Variants in NCKAP1 observed in about 807,000 individuals in gnomAD.
The protein encoded by NCKAP1 is NCK associated protein 1.
In NCKAP1, 21 loss-of-function variants were observed where a neutral mutation model predicts 151.2. That is an observed-to-expected ratio of 0.14 (90% confidence interval 0.10 to 0.20). The LOEUF (loss-of-function observed/expected upper bound fraction) is 0.20. Ranked by LOEUF, NCKAP1 falls within the 10% of genes least tolerant of loss-of-function variation. NCKAP1 has a pLI of 1.00. For missense variants in NCKAP1, 933 were observed against 1,352.1 expected (o/e 0.69, Z 4.86); for synonymous variants, 484 against 451.8 (o/e 1.07, Z -0.90).
intron 2 of NCKAP1, among the ~76,000 whole-genome samples, chr2:183,016,841 C>A (rs10185998): frequency 0.99 from 150,097 of 152,264 alleles, 74,013 homozygotes; most frequent in East Asian, 1. Flanking sequence ...GGATGGCATA[C>A]AAATCAATGT....
Position 182,912,218 on chromosome 2 carries a change from T to C in NCKAP1, c.*13484A>G, listed in dbSNP as rs1696406171. 1.3e-5 allele frequency: 2 copies of C among 152,232 alleles called. 1 individual carries two copies. Among genetic ancestry groups the C allele is most frequent in the Non-Finnish European group, 2.9e-5 (2 of 68,028 alleles). 9.4% of individuals were successfully genotyped at this position (152,232 alleles called of 1,614,324 possible). ...GGAGCTTTTTGATATGAGAAAAATA[T>C]GCTTTTGCCTTTAAGGCAACATGTT... On this transcript the variant is annotated 3_prime_UTR_variant, in exon 31 of 31. Transcript: ENST00000361354.
intron 1 of NCKAP1, among the ~76,000 whole-genome samples, chr2:183,036,283 T>G (rs1348674420): frequency 6.6e-6 from 1 of 152,198 alleles, no homozygotes; most frequent in Admixed American, 6.5e-5. Flanking sequence ...AAAGGTATTT[T>G]GCCCAAATAC....
chr2:182,983,666 TCTAG>T (rs1378646405), intron 10 of NCKAP1, among the ~76,000 whole-genome samples: 1 of 152,174 alleles, frequency 6.6e-6, no homozygotes, highest in Non-Finnish European at 1.5e-5. Context: ...TTTCCCAACA[TCTAG>T]CTATTTATTT....
Position 182,954,870 on chromosome 2 carries a change from T to C in NCKAP1, c.2154-1539A>G, listed in dbSNP as rs537951544. ...TTCCCCTTGCCTTGATCCTAATCAC[T>C]AAGTAGATGTTTGGTTAAAAAAAAA... On this transcript the variant is annotated intron_variant, in intron 20 of 30. Coordinates refer to ENST00000361354, the MANE Select transcript of NCKAP1 (RefSeq NM_013436.5). 2.6e-5 allele frequency among the ~76,000 whole-genome samples: 4 copies of C among 152,164 alleles called. No homozygotes were observed. The South Asian group carries it at 8.3e-4, about 32-fold the overall frequency.
intron 2 of NCKAP1, among the ~76,000 whole-genome samples, chr2:183,008,707 A>G (rs1425318021): frequency 6.6e-6 from 1 of 152,198 alleles, no homozygotes; most frequent in Non-Finnish European, 1.5e-5. Context: ...TTTCATTGCT[A>G]GCCATAAATG....
At chr2:182,990,085 A>T (rs992037173) in intron 8 of NCKAP1, among the ~76,000 whole-genome samples, 6 of 151,892 alleles carry the variant, frequency 4.0e-5, no homozygotes, top group African/African-American at 1.4e-4. Flanking sequence ...ATAGCATCTC[A>T]CATTTTAATA....
Position 182,952,569 on chromosome 2 carries a change from CACAAT to C in NCKAP1, c.2504-72_2504-68del, listed in dbSNP as rs985467874. Reference sequence around the variant, plus strand: ...AATACTTTAAGAAAATGAACATTAACACAATACAACATCTCATTATAAAAACTAAT... The same window carrying C: ...AATACTTTAAGAAAATGAACATTAACACAACATCTCATTATAAAAACTAAT... On this transcript the variant is annotated intron_variant, in intron 22 of 30. Coordinates refer to ENST00000361354, the MANE Select transcript of NCKAP1 (RefSeq NM_013436.5). 8 of 1,205,466 alleles carry C rather than the reference CACAAT, an allele frequency of 6.6e-6. No homozygotes were observed. In the African/African-American group the frequency reaches 7.7e-5, roughly 12 times the overall value. The allele number at this position is 1,205,466 out of a possible 1,614,324, so 74.7% of individuals were successfully genotyped here. A position where few individuals can be genotyped will look rare whatever the true frequency, so the allele number is the denominator to read the frequency against.
At chr2:182,955,687 CA>C (rs1697310002) in intron 20 of NCKAP1, among the ~76,000 whole-genome samples, 1 of 152,142 alleles carries the variant, frequency 6.6e-6, no homozygotes, top group Admixed American at 6.5e-5. Context: ...CTTAACACTG[CA>C]AGTCAATACA....
At chr2:183,030,034 A>C (rs982770713) in intron 1 of NCKAP1, among the ~76,000 whole-genome samples, 5 of 152,138 alleles carry the variant, frequency 3.3e-5, no homozygotes, top group African/African-American at 1.2e-4. Flanking sequence ...TACTGACAGG[A>C]CCTACAGAGA....
rs533756257 is a variant in NCKAP1 at position 182,930,113 on chromosome 2, G to A, written c.2953+582C>T. ...CTTGACTTTGCTCTTGCCTCCAGCT[G>A]GTGAGATTTTATTTCTTTGCTTCCC... On this transcript the variant is annotated intron_variant, in intron 27 of 30. Coordinates refer to ENST00000361354, the MANE Select transcript of NCKAP1 (RefSeq NM_013436.5). Among the ~76,000 whole-genome samples the A allele has an allele frequency of 3.3e-5, 5 of 151,872 alleles. No individual in the cohort carries two copies. In the Middle Eastern group the frequency reaches 0.017, roughly 517 times the overall value.
In NCKAP1 at chr2:182,962,822, A is replaced by AG. The variant is rs1323143188; in HGVS notation, c.1762-545dup. ...AAATCAAACCCTATTGCTCCCAGGA[A>AG]GAAAAAAAAAAAAAACGCTGATCAT... On this transcript the variant is annotated intron_variant, in intron 17 of 30. Transcript: ENST00000361354. Among the ~76,000 whole-genome samples the AG allele has an allele frequency of 4.7e-5, 7 of 150,144 alleles. No homozygotes were observed. The South Asian group carries it at 1.5e-3, about 32-fold the overall frequency.
rs139529822 is a variant in NCKAP1 at position 182,924,168 on chromosome 2, G to C, written c.*1534C>G. 6.6e-6 allele frequency: 1 copy of C among 151,956 alleles called. No individual in the cohort carries two copies. Among genetic ancestry groups the C allele is most frequent in the African/African-American group, 2.4e-5 (1 of 41,358 alleles). The allele number at this position is 151,956 out of a possible 1,614,324, so 9.4% of individuals were successfully genotyped here. A position where few individuals can be genotyped will look rare whatever the true frequency, so the allele number is the denominator to read the frequency against. ...CTTTATGGAACAAGTACAATTTTTC[G>C]ACAGATAGTGACAACTACTCCCTAC... On this transcript the variant is annotated 3_prime_UTR_variant, in exon 31 of 31. Transcript: ENST00000361354.
At chr2:182,937,427 G>C (rs1020834338) in intron 24 of NCKAP1, among the ~76,000 whole-genome samples, 2 of 152,160 alleles carry the variant, frequency 1.3e-5, no homozygotes, top group Admixed American at 6.5e-5. Flanking sequence ...CTCTAGAACA[G>C]AGGCTATGTG....
chr2:182,912,088 C>G lies in NCKAP1; in HGVS notation c.*13614G>C, dbSNP rs898609175. The G allele has an allele frequency of 6.6e-6, 1 of 152,132 alleles. No homozygotes were observed. Among genetic ancestry groups the G allele is most frequent in the African/African-American group, 2.4e-5 (1 of 41,436 alleles). 9.4% of individuals were successfully genotyped at this position (152,132 alleles called of 1,614,324 possible). ...TGAAAAATTCCTTTTACCTAAAAAA[C>G]TGCTGAAGTTCAGAGGTTGTAATTT... is the stretch of plus-strand genomic sequence containing the variant. On this transcript the variant is annotated 3_prime_UTR_variant, in exon 31 of 31. Transcript: ENST00000361354.
In NCKAP1 at chr2:183,003,333, A is replaced by C; in HGVS notation, c.220-8T>G. 1 of 1,552,226 alleles carries C rather than the reference A, an allele frequency of 6.4e-7. No homozygotes were observed. Among genetic ancestry groups the C allele is most frequent in the Non-Finnish European group, 8.8e-7 (1 of 1,137,048 alleles). On this transcript the variant is annotated splice_region_variant and splice_polypyrimidine_tract_variant and intron_variant, in intron 2 of 30. Transcript: ENST00000361354. ...TAGTTGTGCAAGCTGTTGCTGTAAAAACAAAATTAGAATGCATTGCTCATA... is the reference window on the plus strand; with the variant it reads ...TAGTTGTGCAAGCTGTTGCTGTAAACACAAAATTAGAATGCATTGCTCATA...
intron 6 of NCKAP1, among the ~76,000 whole-genome samples, chr2:182,998,130 C>T (rs1481134284): frequency 6.6e-6 from 1 of 152,104 alleles, no homozygotes; most frequent in African/African-American, 2.4e-5. Context: ...TCCAATATCC[C>T]TTCACGATAA....
rs1445317685 is a variant in NCKAP1, at chr2:182,923,606, T to A, written c.*2096A>T. On this transcript the variant is annotated 3_prime_UTR_variant, in exon 31 of 31. Coordinates refer to ENST00000361354, the MANE Select transcript of NCKAP1 (RefSeq NM_013436.5). ...AAATTAGTTATGGTATCTATAAAGG[T>A]ATTAAAAAGAATATTAAAGACATTT... 1 of 152,210 alleles carries A rather than the reference T, an allele frequency of 6.6e-6. No homozygotes were observed. The highest frequency in any genetic ancestry group is 2.1e-4 in the South Asian group (1 of 4,824). The allele number at this position is 152,210 out of a possible 1,614,324, so 9.4% of individuals were successfully genotyped here. A position where few individuals can be genotyped will look rare whatever the true frequency, so the allele number is the denominator to read the frequency against.
intron 2 of NCKAP1, among the ~76,000 whole-genome samples, chr2:183,005,654 A>C (rs1698457546): frequency 6.6e-6 from 1 of 152,110 alleles, no homozygotes; most frequent in African/African-American, 2.4e-5. Context: ...TCAAACAACT[A>C]CTAGATGCCT....
At chr2:182,956,183 G>A (rs1451103728) in intron 20 of NCKAP1, among the ~76,000 whole-genome samples, 1 of 152,154 alleles carries the variant, frequency 6.6e-6, no homozygotes, top group Non-Finnish European at 1.5e-5. Context: ...TGGGACTACA[G>A]GTGCCCACCA....
Sources: allele counts gnomAD v4.1 joint callset (sites outside exome capture counted in the v4.1 genomes callset), GRCh38; gene constraint gnomAD v4.1.1; transcripts MANE v1.5; gene names NCBI Gene and HGNC (gene_info 2026-07-23, HGNC 2026-07-21).